The following NRXN1 variants were observed in gnomAD, a reference collection of about 807,000 sequenced individuals.
NRXN1 encodes the protein neurexin 1.
A neutral mutation model predicts 150.9 loss-of-function variants in NRXN1; 39 were observed. That is an observed-to-expected ratio of 0.26 (90% confidence interval 0.20 to 0.34). The LOEUF is 0.34. Ranked by LOEUF, NRXN1 falls within the 10% of genes least tolerant of loss-of-function variation. The pLI is 1.00. For synonymous variants in NRXN1, 924 were observed against 757.0 expected (o/e 1.22, Z -3.62); for missense variants, 1,815 against 1,949.9 (o/e 0.93, Z 1.30).
chr2:50,403,288 A>C (rs372652925), intron 17 of NRXN1, among the ~76,000 whole-genome samples: 1 of 152,276 alleles, frequency 6.6e-6, no homozygotes, highest in African/African-American at 2.4e-5. Context: ...ATAATCATTA[A>C]TGATTGAGTC....
chr2:50,664,646 G>C (rs1254327344), intron 5 of NRXN1, among the ~76,000 whole-genome samples: 1 of 151,704 alleles, frequency 6.6e-6, no homozygotes, highest in African/African-American at 2.4e-5. Context: ...TCTGGGCATA[G>C]AAAAGCTAGC....
chr2:50,617,958 G>C (rs1241386842), intron 8 of NRXN1, among the ~76,000 whole-genome samples: 1 of 152,148 alleles, frequency 6.6e-6, no homozygotes, highest in Non-Finnish European at 1.5e-5. Flanking sequence ...AAGATTATGT[G>C]TCTCAGCTGA....
At chr2:49,997,927 C>T (rs1235166186) in intron 21 of NRXN1, among the ~76,000 whole-genome samples, 2 of 152,086 alleles carry the variant, frequency 1.3e-5, no homozygotes, top group Admixed American at 6.6e-5. Context: ...ATAACCTTTA[C>T]CTGTTTCAAG....
intron 17 of NRXN1, among the ~76,000 whole-genome samples, chr2:50,299,427 A>C (rs1480429218): frequency 1.3e-5 from 1 of 75,062 alleles, no homozygotes; most frequent in African/African-American, 4.3e-5. Flanking sequence ...TTTTTTTTTA[A>C]AACTGACTTC....
intron 2 of NRXN1, among the ~76,000 whole-genome samples, chr2:50,955,944 G>C (rs1233187085): frequency 2.0e-5 from 3 of 152,140 alleles, no homozygotes; most frequent in Non-Finnish European, 4.4e-5. Context: ...CAGCAGCTGG[G>C]TTAGCAAAAC....
At position 51,027,728 on chromosome 2, in the gene NRXN1, C is replaced by T. The variant is rs1464488808; in HGVS notation, c.546G>A (p.Gly182=). Residue 182 remains glycine, a synonymous_variant, in exon 2 of 23, where the codon GGG becomes GGA. Transcript: ENST00000401669. ...ASVREREPFK[G]WIRDVRVNSS... ...AGTTGACCCTCACGTCACGAATCCA[C>T]CCCTTGAAGGGCTCCCGCTCCCTCA... is the stretch of plus-strand genomic sequence containing the variant. The T allele has an allele frequency of 1.9e-6, 3 of 1,610,874 alleles. No individual in the cohort carries two copies. The South Asian group carries it at 3.3e-5, about 18-fold the overall frequency.
At chr2:50,508,070 C>T (rs1427332468) in intron 12 of NRXN1, among the ~76,000 whole-genome samples, 1 of 152,132 alleles carries the variant, frequency 6.6e-6, no homozygotes, top group Non-Finnish European at 1.5e-5. Flanking sequence ...TTTCCATCCA[C>T]ATGAGATCAT....
At chr2:50,095,702 C>T (rs956524253) in intron 18 of NRXN1, among the ~76,000 whole-genome samples, 5 of 150,932 alleles carry the variant, frequency 3.3e-5, no homozygotes, top group African/African-American at 1.2e-4. Flanking sequence ...GGTTTTTTTG[C>T]AACACAATAA....
intron 17 of NRXN1, among the ~76,000 whole-genome samples, chr2:50,264,682 C>A (rs547851761): frequency 1.3e-5 from 2 of 152,158 alleles, no homozygotes; most frequent in East Asian, 3.9e-4. Context: ...GAAACTCCCC[C>A]AGAATATTAT....
intron 17 of NRXN1, among the ~76,000 whole-genome samples, chr2:50,264,662 A>G (rs2068652810): frequency 6.6e-6 from 1 of 152,098 alleles, no homozygotes; most frequent in Admixed American, 6.6e-5. Context: ...AAGTGGTACA[A>G]TGAAATGAAG....
chr2:50,580,719 C>T (rs926750738), intron 8 of NRXN1, among the ~76,000 whole-genome samples: 1 of 152,132 alleles, frequency 6.6e-6, no homozygotes, highest in African/African-American at 2.4e-5. Context: ...TTTTCCCTCT[C>T]CTTTGTGGCA....
At chr2:50,651,472 AACATG>A (rs59984890) in intron 5 of NRXN1, among the ~76,000 whole-genome samples, 7,104 of 149,576 alleles carry the variant, frequency 0.047, 249 homozygotes, top group East Asian at 0.19. Flanking sequence ...AACATAACGT[AACATG>A]ACATGACATG....
chr2:51,017,398 C>A (rs1275189770), intron 2 of NRXN1, among the ~76,000 whole-genome samples: 1 of 143,032 alleles, frequency 7.0e-6, no homozygotes, highest in Non-Finnish European at 1.5e-5. Context: ...TGCAGTGGCA[C>A]AATAATAGCC....
At chr2:50,842,498 C>A (rs1485504372) in intron 5 of NRXN1, among the ~76,000 whole-genome samples, 1 of 152,076 alleles carries the variant, frequency 6.6e-6, no homozygotes, top group East Asian at 1.9e-4. Context: ...GTTATGGGAT[C>A]CAAGTCAAAA....
At chr2:50,678,336 T>G (rs965676027) in intron 5 of NRXN1, among the ~76,000 whole-genome samples, 14 of 152,176 alleles carry the variant, frequency 9.2e-5, no homozygotes, top group Admixed American at 4.6e-4. Context: ...CTTTACAGAA[T>G]TTAGATTAAT....
intron 19 of NRXN1, among the ~76,000 whole-genome samples, chr2:50,082,905 G>A (rs760376815): frequency 1.3e-5 from 2 of 152,218 alleles, no homozygotes; most frequent in South Asian, 2.1e-4. Flanking sequence ...TACCCAACAC[G>A]TATCTGAAGA....
intron 5 of NRXN1, among the ~76,000 whole-genome samples, chr2:50,788,282 G>A (rs1026737944): frequency 1.3e-5 from 2 of 151,868 alleles, no homozygotes; most frequent in African/African-American, 4.8e-5. Context: ...TAGAGATGGG[G>A]TTTCACCATG....
intron 17 of NRXN1, among the ~76,000 whole-genome samples, chr2:50,265,877 A>G (rs1044750316): frequency 2.0e-5 from 3 of 152,024 alleles, no homozygotes; most frequent in Non-Finnish European, 2.9e-5. Flanking sequence ...ACATCTTCAA[A>G]TGCAAGAGAG....
chr2:50,076,398 A>G (rs1697110301), intron 19 of NRXN1, among the ~76,000 whole-genome samples: 1 of 152,226 alleles, frequency 6.6e-6, no homozygotes, highest in Non-Finnish European at 1.5e-5. Context: ...ACTTTTACTC[A>G]GCACTTACTA....
Sources: gnomAD v4.1 joint callset for allele counts (sites outside exome capture counted in the v4.1 genomes callset) on GRCh38, gnomAD v4.1.1 for gene constraint, MANE v1.5 for transcripts, NCBI Gene and HGNC (gene_info 2026-07-23, HGNC 2026-07-21) for gene names.